DOCK3: variants seen among roughly 807,000 people sequenced by gnomAD.
DOCK3 encodes the protein dedicator of cytokinesis protein 3.
Under a neutral mutation model 265.6 loss-of-function variants are expected in DOCK3, and 60 were observed. That is an observed-to-expected ratio of 0.23 (90% confidence interval 0.18 to 0.28). DOCK3 has a LOEUF of 0.28. DOCK3 is among the 10% of genes least tolerant of loss of function. DOCK3 has a pLI of 1.00. For synonymous variants in DOCK3, 881 were observed against 938.0 expected, an observed-to-expected ratio of 0.94 and a Z score of 1.11; for missense variants, 1,981 against 2,594.3, an observed-to-expected ratio of 0.76 and a Z score of 5.14.
chr3:50,868,901 G>GTTTTTTTTTTT (rs147898866), intron 3 of DOCK3, among the ~76,000 whole-genome samples: 1 of 14,294 alleles, frequency 7.0e-5, no homozygotes, highest in Non-Finnish European at 1.3e-4. Context: ...TGGATAATCT[G>GTTTTTTTTTTT]TTTTTTTTTT....
At chr3:51,059,028 C>G (rs1030700509) in intron 5 of DOCK3, among the ~76,000 whole-genome samples, 1 of 152,084 alleles carries the variant, frequency 6.6e-6, no homozygotes, top group East Asian at 1.9e-4. Context: ...TCCCCTCACA[C>G]GGGTAGTGAA....
intron 3 of DOCK3, among the ~76,000 whole-genome samples, chr3:50,876,528 C>T (rs2047708476): frequency 6.6e-6 from 1 of 151,924 alleles, no homozygotes; most frequent in East Asian, 1.9e-4. Context: ...TAATGGCAAA[C>T]CACAGTAAAA....
chr3:50,959,815 C>T (rs1327399250), intron 5 of DOCK3, among the ~76,000 whole-genome samples: 3 of 152,206 alleles, frequency 2.0e-5, no homozygotes, highest in African/African-American at 2.4e-5. Context: ...CTCCTGACCT[C>T]GTGATCTGCC....
intron 12 of DOCK3, among the ~76,000 whole-genome samples, chr3:51,169,481 C>G (rs1560155318): frequency 6.6e-6 from 1 of 152,142 alleles, no homozygotes; most frequent in Non-Finnish European, 1.5e-5. Flanking sequence ...CAAACTAACT[C>G]AGAGACAGAA....
At chr3:51,218,404 A>G (rs1247070024) in intron 14 of DOCK3, among the ~76,000 whole-genome samples, 1 of 152,206 alleles carries the variant, frequency 6.6e-6, no homozygotes, top group Admixed American at 6.5e-5. Flanking sequence ...ACTGCACTCC[A>G]GCCTGTGTGA....
chr3:51,130,671 A>G (rs746251200), intron 9 of DOCK3, among the ~76,000 whole-genome samples: 13 of 152,138 alleles, frequency 8.5e-5, no homozygotes, highest in South Asian at 8.3e-4. Flanking sequence ...AATCTCTGCA[A>G]TCCCTCCAAG....
intron 4 of DOCK3, among the ~76,000 whole-genome samples, chr3:50,905,324 C>T (rs959374235): frequency 1.3e-5 from 2 of 151,642 alleles, no homozygotes; most frequent in Admixed American, 6.6e-5. Flanking sequence ...TTGATGGGGA[C>T]AGCATTGAAT....
At chr3:51,219,029 G>A (rs889031928) in intron 14 of DOCK3, among the ~76,000 whole-genome samples, 1 of 151,984 alleles carries the variant, frequency 6.6e-6, no homozygotes. Context: ...CTCAATTACT[G>A]CTCCCCTTTG....
chr3:51,275,019 C>T (rs2080733635), intron 24 of DOCK3, 60 bp from the exon 25 acceptor site: 1 of 1,608,246 alleles, frequency 6.2e-7, no homozygotes. Flanking sequence ...ATGCCACTGG[C>T]TTCCTGCAGT....
intron 12 of DOCK3, among the ~76,000 whole-genome samples, chr3:51,163,412 A>C (rs896365395): frequency 3.9e-5 from 6 of 152,138 alleles, no homozygotes; most frequent in Non-Finnish European, 7.3e-5. Context: ...CAAAAAAAAA[A>C]AAAATTGCAA....
At chr3:51,346,852 C>G (rs1160678191) in intron 38 of DOCK3, among the ~76,000 whole-genome samples, 3 of 152,212 alleles carry the variant, frequency 2.0e-5, no homozygotes, top group African/African-American at 7.2e-5. Context: ...GAGATGGTAT[C>G]TCACTGTGGT....
intron 5 of DOCK3, among the ~76,000 whole-genome samples, chr3:50,942,138 T>C (rs1214646203): frequency 6.6e-6 from 1 of 152,052 alleles, no homozygotes; most frequent in Non-Finnish European, 1.5e-5. Context: ...TGTATGTTTT[T>C]GGCAAGTCCT....
At chr3:50,676,307 G>T (rs1295254291) in intron 1 of DOCK3, among the ~76,000 whole-genome samples, 1 of 152,186 alleles carries the variant, frequency 6.6e-6, no homozygotes, top group Non-Finnish European at 1.5e-5. Context: ...AATGCTATCA[G>T]GCAGGTTATC....
chr3:50,890,885 A>G (rs2048609147), intron 4 of DOCK3, among the ~76,000 whole-genome samples: 1 of 152,090 alleles, frequency 6.6e-6, no homozygotes, highest in South Asian at 2.1e-4. Flanking sequence ...GAAGAGTGAA[A>G]GAACAAAAGA....
rs376577963 is a variant in DOCK3, at chr3:51,227,456, C to T, written c.1540+11C>T. ...TCAGACATTGTTCCAGTGAGTTAGA[C>T]TTCCCCCCCTCCACATTCCCTTGAG... On this transcript the variant is annotated intron_variant, in intron 16 of 52. Transcript: ENST00000266037. 56 of 1,613,610 alleles carry T rather than the reference C, an allele frequency of 3.5e-5. No individual in the cohort carries two copies. In the African/African-American group the frequency reaches 6.9e-4, roughly 20 times the overall value.
intron 4 of DOCK3, among the ~76,000 whole-genome samples, chr3:50,901,930 T>C (rs928104430): frequency 1.3e-5 from 2 of 152,168 alleles, no homozygotes; most frequent in Admixed American, 1.3e-4. Context: ...CATCTTGCCA[T>C]AAAGAAAGAA....
chr3:50,871,096 C>T (rs1367898672), intron 3 of DOCK3, among the ~76,000 whole-genome samples: 2 of 151,924 alleles, frequency 1.3e-5, no homozygotes, highest in African/African-American at 2.4e-5. Flanking sequence ...TTAGTATTAC[C>T]GATGAGTTTC....
chr3:51,103,180 T>C (rs2083150418), intron 9 of DOCK3, among the ~76,000 whole-genome samples: 1 of 152,174 alleles, frequency 6.6e-6, no homozygotes, highest in Non-Finnish European at 1.5e-5. Context: ...AATATAAATA[T>C]TTCAGCACCC....
At chr3:50,878,303 T>G (rs1013649395) in intron 3 of DOCK3, among the ~76,000 whole-genome samples, 1 of 152,178 alleles carries the variant, frequency 6.6e-6, no homozygotes, top group African/African-American at 2.4e-5. Context: ...GAAGAAGGCT[T>G]CGGACGATTG....
Sources: allele counts gnomAD v4.1 joint callset (sites outside exome capture counted in the v4.1 genomes callset), GRCh38; gene constraint gnomAD v4.1.1; transcripts MANE v1.5; gene names NCBI Gene and HGNC (gene_info 2026-07-23, HGNC 2026-07-21).